Variants in SORT1 observed in about 807,000 individuals in gnomAD.
SORT1 encodes sortilin.
SORT1 carries 39 observed loss-of-function variants against 101.7 expected under a neutral mutation model. The observed-to-expected ratio is 0.38, with a 90% CI of 0.30 to 0.50. SORT1 has a LOEUF of 0.50. SORT1 is among the 20% of genes least tolerant of loss of function. The probability of loss-of-function intolerance (pLI) is 0.90; values close to 1 mark genes in which losing one functional copy is unlikely to be tolerated. For synonymous variants in SORT1, 396 were observed against 393.7 expected, an observed-to-expected ratio of 1.01 and a Z score of -0.07; for missense variants, 878 against 1,040.4, an observed-to-expected ratio of 0.84 and a Z score of 2.15.
chr1:109,331,815 A>C (rs1317545885), intron 11 of SORT1, among the ~76,000 whole-genome samples: 1 of 152,052 alleles, frequency 6.6e-6, no homozygotes, highest in African/African-American at 2.4e-5. Flanking sequence ...AAAAATGTTA[A>C]AACTAATAAA....
intron 11 of SORT1, 35 bp downstream of exon 11, chr1:109,336,205 G>A: frequency 1.6e-6 from 2 of 1,283,912 alleles, no homozygotes; most frequent in Non-Finnish European, 2.3e-6. Flanking sequence ...CAATGGAAAG[G>A]CTGCTGTGCT....
chr1:109,332,909 T>A (rs1648556398), intron 11 of SORT1, among the ~76,000 whole-genome samples: 1 of 152,220 alleles, frequency 6.6e-6, no homozygotes, highest in South Asian at 2.1e-4. Flanking sequence ...AATATCTATA[T>A]GCAGAAGAAT....
intron 11 of SORT1, among the ~76,000 whole-genome samples, chr1:109,328,582 G>C (rs767114679): frequency 5.3e-5 from 8 of 152,136 alleles, no homozygotes; most frequent in Non-Finnish European, 1.0e-4. Context: ...CTATTTGTTT[G>C]TTGTTGAGTT....
chr1:109,314,581 TA>T, intron 18 of SORT1, 90 bp downstream of exon 18: 1 of 1,102,464 alleles, frequency 9.1e-7, no homozygotes, highest in Non-Finnish European at 1.3e-6. Flanking sequence ...TGCAAGTACC[TA>T]GTTTTTGCCA....
rs185743375 is a variant in SORT1, at chr1:109,359,658, C to T, written c.441-4189G>A. 4.3e-3 allele frequency among the ~76,000 whole-genome samples: 653 copies of T among 152,234 alleles called. 5 individuals are homozygous for T. Among genetic ancestry groups the T allele is most frequent in the South Asian group, 0.038 (181 of 4,816 alleles). On this transcript the variant is annotated intron_variant, in intron 3 of 19. Transcript: ENST00000256637. ...GGGATTACAGGTATGTGCCACCACA[C>T]CCAGCTAATTTTTGTATTTTTAGTA...
intron 11 of SORT1, among the ~76,000 whole-genome samples, chr1:109,335,651 G>GT (rs992897764): frequency 1.5e-4 from 23 of 149,776 alleles, no homozygotes; most frequent in Admixed American, 4.0e-4. Context: ...TAAAAAGCTT[G>GT]TTTTTTTTTT....
rs1056650635 is a variant in SORT1, at chr1:109,317,749, T to C, written c.2141+104A>G. On this transcript the variant is annotated intron_variant, in intron 16 of 19. Transcript: ENST00000256637. Reference sequence around the variant, plus strand: ...TGCCCCTCCCCAACCCCGCCAAAAATAGTGCTCTAAAGTAGGGCTTGGATC... The same window carrying C: ...TGCCCCTCCCCAACCCCGCCAAAAACAGTGCTCTAAAGTAGGGCTTGGATC... The C allele has an allele frequency of 3.1e-5, 24 of 785,986 alleles. No individual in the cohort carries two copies. In the African/African-American group the frequency reaches 3.5e-4, roughly 11 times the overall value. The allele number at this position is 785,986 out of a possible 1,614,324, so 48.7% of individuals were successfully genotyped here.
At chr1:109,378,698 TGATATATATATATATATATATA>T (rs1429034700) in intron 1 of SORT1, among the ~76,000 whole-genome samples, 12 of 62,166 alleles carry the variant, frequency 1.9e-4, no homozygotes, top group African/African-American at 6.7e-4. Context: ...GTAGAGTGAA[TGATATATATATATATATATATA>T]TATATATATA....
chr1:109,394,158 A>G lies in SORT1; in HGVS notation c.306+3429T>C, dbSNP rs1653062573. Among the ~76,000 whole-genome samples, 3 of 152,122 alleles carry G rather than the reference A, an allele frequency of 2.0e-5. No individual in the cohort carries two copies. The South Asian group carries it at 6.2e-4, about 31-fold the overall frequency. The stretch of plus-strand genomic sequence containing the variant: ...AATTTTTGGAAAGTTATAACTATTT[A>G]TCTTTCTCCTTCGTTTTCTTGTCAT... On this transcript the variant is annotated intron_variant, in intron 1 of 19. Transcript: ENST00000256637.
chr1:109,362,666 G>C (rs72981185), intron 3 of SORT1, among the ~76,000 whole-genome samples: 2,780 of 152,108 alleles, frequency 0.018, 93 homozygotes, highest in African/African-American at 0.064. Context: ...AAAAATCACA[G>C]AACTTTTAAT....
chr1:109,397,685 G>A lies in SORT1; in HGVS notation c.208C>T (p.Pro70Ser). ...LRAAAAGGAFPRGGRWRRSAP... is the reference protein window; with the variant it reads ...LRAAAAGGAFSRGGRWRRSAP... ...CTGCGACGCCAACGGCCGCCGCGGGGAAACGCGCCCCCGGCTGCGGCCGCC... is the reference window on the plus strand; with the variant it reads ...CTGCGACGCCAACGGCCGCCGCGGGAAAACGCGCCCCCGGCTGCGGCCGCC... Residue 70 changes from proline (P) to serine (S), a missense_variant, in exon 1 of 20, where the codon CCC becomes TCC. Physicochemically the swap from Pro to Ser is moderately conservative, Grantham distance 74. Coordinates refer to ENST00000256637, the MANE Select transcript of SORT1 (RefSeq NM_002959.7). The A allele has an allele frequency of 1.7e-6, 2 of 1,199,636 alleles. No homozygotes were observed. The highest frequency in any genetic ancestry group is 4.5e-5 in the East Asian group (1 of 22,260). The allele number at this position is 1,199,636 out of a possible 1,614,324, so 74.3% of individuals were successfully genotyped here. A position where few individuals can be genotyped will look rare whatever the true frequency, so the allele number is the denominator to read the frequency against.
At chr1:109,345,352 T>C (rs966897810) in intron 8 of SORT1, among the ~76,000 whole-genome samples, 2 of 151,958 alleles carry the variant, frequency 1.3e-5, no homozygotes, top group African/African-American at 2.4e-5. Context: ...CCATCTCTAC[T>C]AAAAATACAA....
chr1:109,366,611 T>C (rs1446190599), intron 3 of SORT1, among the ~76,000 whole-genome samples: 1 of 152,166 alleles, frequency 6.6e-6, no homozygotes, highest in East Asian at 1.9e-4. Context: ...TTTCAGTTGC[T>C]AATTAGATGC....
At chr1:109,368,683 A>G (rs544115636) in intron 2 of SORT1, 26 of 152,336 alleles carry the variant, frequency 1.7e-4, no homozygotes, top group African/African-American at 6.0e-4. Context: ...GTATATCAGG[A>G]GGGATAAGGA....
Position 109,336,334 on chromosome 1 carries a change from T to C in SORT1, c.1277A>G (p.Gln426Arg), listed in dbSNP as rs769887216. 1.2e-6 allele frequency: 2 copies of C among 1,605,300 alleles called. No homozygotes were observed. The highest frequency in any genetic ancestry group is 1.7e-6 in the Non-Finnish European group (2 of 1,171,900). Residue 426 changes from glutamine (Q) to arginine (R), a missense_variant, in exon 11 of 20, where the codon CAG becomes CGG. By Grantham distance (43) the Gln-to-Arg change is conservative. Transcript: ENST00000256637. ...TCCTTGGTCAAAAGTGATCATGGTC[T>C]GGATAGAATTATCTGAATGGGAAGA... Reference protein sequence around the residue: ...TSVLSEDNSIQTMITFDQGGR... With the variant: ...TSVLSEDNSIRTMITFDQGGR...
intron 8 of SORT1, among the ~76,000 whole-genome samples, chr1:109,344,245 G>T (rs1200661128): frequency 6.6e-6 from 1 of 152,130 alleles, no homozygotes; most frequent in African/African-American, 2.4e-5. Context: ...CGCTGCTTCT[G>T]CGCGTGCCCC....
chr1:109,381,781 T>C (rs1432210980), intron 1 of SORT1, among the ~76,000 whole-genome samples: 3 of 152,120 alleles, frequency 2.0e-5, no homozygotes, highest in Non-Finnish European at 4.4e-5. Context: ...GATACACTGT[T>C]TGAGCCCAGG....
chr1:109,383,029 T>C (rs1652340453), intron 1 of SORT1, among the ~76,000 whole-genome samples: 1 of 152,154 alleles, frequency 6.6e-6, no homozygotes, highest in South Asian at 2.1e-4. Context: ...CAAATTAAAT[T>C]ACTGTTACTA....
intron 1 of SORT1, chr1:109,392,822 T>C: frequency 2.0e-6 from 2 of 985,132 alleles, no homozygotes; most frequent in Non-Finnish European, 2.4e-6. Context: ...TCATGAAGGT[T>C]TCGCTCACTC....
Sources: allele counts gnomAD v4.1 joint callset (sites outside exome capture counted in the v4.1 genomes callset), GRCh38; gene constraint gnomAD v4.1.1; transcripts MANE v1.5; gene names NCBI Gene and HGNC (gene_info 2026-07-23, HGNC 2026-07-21).